The following MGST3 variants were observed in gnomAD, a reference collection of about 807,000 sequenced individuals.
MGST3 encodes microsomal glutathione S-transferase 3.
A neutral mutation model predicts 15.8 loss-of-function variants in MGST3; 13 were observed. That is an observed-to-expected ratio of 0.82 (90% CI 0.54 to 1.31). The LOEUF is 1.31. Among genes scored for constraint, MGST3 ranks in the 50% most tolerant of loss-of-function variants. MGST3 has a pLI of 0.00. For missense variants in MGST3, 155 were observed against 192.4 expected (o/e 0.81, Z 1.15); for synonymous variants, 49 against 68.1 (o/e 0.72, Z 1.38).
chr1:165,648,092 T>C (rs9333460), intron 1 of MGST3, among the ~76,000 whole-genome samples: 7,216 of 152,342 alleles, frequency 0.047, 256 homozygotes, highest in Non-Finnish European at 0.073. Flanking sequence ...TAATAACTAC[T>C]GTGGCTTCCT....
At chr1:165,653,881 A>G (rs149539290) in intron 4 of MGST3, 241 of 301,710 alleles carry the variant, frequency 8.0e-4, no homozygotes, top group African/African-American at 4.9e-3. Context: ...TCAGAGGCCC[A>G]TTTGAGAAAA....
intron 1 of MGST3, chr1:165,647,500 C>G (rs1046935367): frequency 6.6e-6 from 1 of 152,090 alleles, no homozygotes; most frequent in South Asian, 2.1e-4. Flanking sequence ...TTTACTGAGC[C>G]TCTATTTCCT....
intron 1 of MGST3, among the ~76,000 whole-genome samples, chr1:165,638,585 AC>A (rs1173486239): frequency 6.6e-6 from 1 of 152,132 alleles, no homozygotes; most frequent in African/African-American, 2.4e-5. Flanking sequence ...GGAGTTCAAG[AC>A]CAGCCTGGCC....
intron 3 of MGST3, chr1:165,651,423 A>G (rs555638025): frequency 1.1e-4 from 45 of 398,872 alleles, no homozygotes; most frequent in African/African-American, 7.8e-4. Context: ...AAGGAAACCC[A>G]CTCTGACTCA....
intron 1 of MGST3, among the ~76,000 whole-genome samples, chr1:165,644,995 A>G (rs1009153155): frequency 1.3e-5 from 2 of 152,142 alleles, no homozygotes; most frequent in Non-Finnish European, 1.5e-5. Flanking sequence ...TCCTGACCTC[A>G]AGTGATCTGC....
chr1:165,632,241 T>C (rs1205706736), intron 1 of MGST3: 1 of 1,612,700 alleles, frequency 6.2e-7, no homozygotes, highest in Non-Finnish European at 8.5e-7. Flanking sequence ...GGACAGGAGA[T>C]GCCCTGGAGG....
intron 4 of MGST3, among the ~76,000 whole-genome samples, chr1:165,653,442 T>C (rs2297762): frequency 0.24 from 36,189 of 152,134 alleles, 5,752 homozygotes; most frequent in East Asian, 0.8. Context: ...GAGGGACTGG[T>C]GTTATTTTCA....
intron 4 of MGST3, chr1:165,653,574 G>A (rs138068280): frequency 3.3e-5 from 5 of 152,918 alleles, no homozygotes; most frequent in Admixed American, 6.5e-5. Context: ...CACTGGGGAA[G>A]GCGGCCTTCT....
At position 165,651,106 on chromosome 1, in the gene MGST3, G is replaced by A. The variant is rs139924338; in HGVS notation, c.191+19G>A. ...AGAACACGTGAGTGTCGGCCCTGCCGGGCACCAAAGACATCTGCAGAGTGG... is the reference window on the plus strand; with the variant it reads ...AGAACACGTGAGTGTCGGCCCTGCCAGGCACCAAAGACATCTGCAGAGTGG... On this transcript the variant is annotated intron_variant, in intron 3 of 5. Coordinates refer to ENST00000367889, the MANE Select transcript of MGST3 (RefSeq NM_004528.4). 4.2e-5 allele frequency: 67 copies of A among 1,612,012 alleles called. No homozygotes were observed. The African/African-American group carries it at 5.9e-4, about 14-fold the overall frequency.
rs1648504521 is a variant in MGST3, at chr1:165,649,841, A to G, written c.-7A>G. The G allele has an allele frequency of 6.2e-7, 1 of 1,613,962 alleles. No homozygotes were observed. The highest frequency in any genetic ancestry group is 8.5e-7 in the Non-Finnish European group (1 of 1,180,026). ...TCCCAACGTGTTCTTTCTTCCACAG[A>G]CGCAAGATGGCTGTCCTCTCTAAGG... On this transcript the variant is annotated splice_region_variant and 5_prime_UTR_variant, in exon 2 of 6. Transcript: ENST00000367889.
At chr1:165,643,727 G>A (rs937264899) in intron 1 of MGST3, among the ~76,000 whole-genome samples, 1 of 152,054 alleles carries the variant, frequency 6.6e-6, no homozygotes, top group Non-Finnish European at 1.5e-5. Flanking sequence ...AATTAGCCGG[G>A]TGTTGTGGCG....
rs1648695641 is a variant in MGST3 at position 165,655,915 on chromosome 1, GGCAACATA to G, written c.*416_*423del. ...AGCCTAAAAGTTCAAGACCAGCCTG[GGCAACATA>G]GCAAAACCCCATCTCTACAAAAAAA... On this transcript the variant is annotated 3_prime_UTR_variant, in exon 6 of 6. Transcript: ENST00000367889. 4.5e-6 allele frequency: 1 copy of G among 222,226 alleles called. No homozygotes were observed. The highest frequency in any genetic ancestry group is 9.0e-6 in the Non-Finnish European group (1 of 111,088). The allele number at this position is 222,226 out of a possible 1,614,324, so 13.8% of individuals were successfully genotyped here.
At chr1:165,651,936 TA>T (rs1405100660) in intron 3 of MGST3, 41 bp from the exon 4 acceptor site, 6 of 1,243,624 alleles carry the variant, frequency 4.8e-6, no homozygotes, top group Non-Finnish European at 5.9e-6. Flanking sequence ...CAGGCATACT[TA>T]AAAAGGGCAC....
intron 3 of MGST3, chr1:165,651,475 T>C (rs1648553787): frequency 5.7e-6 from 2 of 348,016 alleles, no homozygotes; most frequent in African/African-American, 2.1e-5. Flanking sequence ...GAGGTCCTTT[T>C]ACTCAGCATG....
At chr1:165,631,769 C>G (rs1647951802) in intron 1 of MGST3, among the ~76,000 whole-genome samples, 2 of 152,162 alleles carry the variant, frequency 1.3e-5, no homozygotes, top group Admixed American at 1.3e-4. Flanking sequence ...AGCAATGCAC[C>G]CGCTGCGGTG....
chr1:165,641,247 C>T (rs1648257726), intron 1 of MGST3, among the ~76,000 whole-genome samples: 1 of 152,212 alleles, frequency 6.6e-6, no homozygotes, highest in Non-Finnish European at 1.5e-5. Context: ...TGTCAGTCTC[C>T]TGTCATCATT....
chr1:165,643,740 C>T lies in MGST3; in HGVS notation c.-7-6101C>T, dbSNP rs34340940. Among the ~76,000 whole-genome samples the T allele has an allele frequency of 8.8e-3, 1,337 of 151,388 alleles. 19 individuals are homozygous for T. Among genetic ancestry groups the T allele is most frequent in the African/African-American group, 0.023 (963 of 41,382 alleles). On this transcript the variant is annotated intron_variant, in intron 1 of 5. Coordinates refer to ENST00000367889, the MANE Select transcript of MGST3 (RefSeq NM_004528.4). ...AAAATTAGCCGGGTGTTGTGGCGGG[C>T]GCCTGTGATCCCAGCTATTTGGGAG...
intron 1 of MGST3, among the ~76,000 whole-genome samples, chr1:165,636,566 T>A (rs954257823): frequency 6.6e-6 from 1 of 151,880 alleles, no homozygotes; most frequent in African/African-American, 2.4e-5. Context: ...TAAAAACCCA[T>A]CTCTACTAAA....
At chr1:165,638,300 G>A (rs367713620) in intron 1 of MGST3, among the ~76,000 whole-genome samples, 5 of 151,950 alleles carry the variant, frequency 3.3e-5, no homozygotes, top group East Asian at 1.9e-4. Context: ...CCAACATAGC[G>A]AAACCCCGTC....
Sources: gnomAD v4.1 joint callset for allele counts (sites outside exome capture counted in the v4.1 genomes callset) on GRCh38, gnomAD v4.1.1 for gene constraint, MANE v1.5 for transcripts, NCBI Gene and HGNC (gene_info 2026-07-23, HGNC 2026-07-21) for gene names.